The following RNF128 variants were observed in gnomAD, a reference collection of about 807,000 sequenced individuals.
RNF128 encodes the protein E3 ubiquitin-protein ligase RNF128.
A neutral mutation model predicts 26.2 loss-of-function variants in RNF128; 13 were observed. The ratio of observed to expected loss-of-function variants is 0.50; its 90% CI spans 0.32 to 0.79. RNF128 has a LOEUF of 0.79. Among genes scored for constraint, RNF128 ranks in the 30% least tolerant of loss-of-function variants. The probability of loss-of-function intolerance (pLI) is 0.03; values close to 1 mark genes in which losing one functional copy is unlikely to be tolerated. For synonymous variants in RNF128, 149 were observed against 142.5 expected, an observed-to-expected ratio of 1.05 and a Z score of -0.32; for missense variants, 315 against 349.7, an observed-to-expected ratio of 0.90 and a Z score of 0.79.
chrX:106,784,439 A>G (rs1225013754), intron 2 of RNF128, among the ~76,000 whole-genome samples: 2 of 112,032 alleles, frequency 1.8e-5, no homozygotes, highest in South Asian at 3.7e-4. Flanking sequence ...ATCTAGATAT[A>G]TGCTCAGTGA....
upstream of RNF128, among the ~76,000 whole-genome samples, chrX:106,724,646 T>C (rs962986775): frequency 8.9e-6 from 1 of 111,885 alleles, no homozygotes; most frequent in African/African-American, 3.3e-5. Flanking sequence ...TTCCTTGTGT[T>C]GTTTTCTGCC....
At chrX:106,698,351 T>C (rs1371508991) in intron 1 of RNF128, among the ~76,000 whole-genome samples, 1 of 110,593 alleles carries the variant, frequency 9.0e-6, no homozygotes, top group Non-Finnish European at 1.9e-5. Context: ...TAGAGTCAAG[T>C]GTGCGGCATT....
At chrX:106,741,463 T>C (rs1030484912) in intron 1 of RNF128, among the ~76,000 whole-genome samples, 3 of 112,067 alleles carry the variant, frequency 2.7e-5, no homozygotes, top group Non-Finnish European at 3.8e-5. Flanking sequence ...TCACCATTAA[T>C]GCAGCTCTGG....
Position 106,726,776 on chromosome X carries a change from G to T in RNF128, c.-138G>T. 1 of 1,068,043 alleles carries T rather than the reference G, an allele frequency of 9.4e-7. No homozygotes were observed. Among genetic ancestry groups the T allele is most frequent in the Non-Finnish European group, 1.2e-6 (1 of 832,314 alleles). 88.0% of individuals were successfully genotyped at this position (1,068,043 alleles called of 1,213,427 possible). A position where few individuals can be genotyped will look rare whatever the true frequency, so the allele number is the denominator to read the frequency against. ...GTGTGCTGACGCTACGTGCCTCCTG[G>T]CTCCGACGTAGCTCGCAGCTCCCCA... On this transcript the variant is annotated 5_prime_UTR_variant, in exon 1 of 7. Coordinates refer to ENST00000255499, the MANE Select transcript of RNF128 (RefSeq NM_194463.2).
chrX:106,788,874 GTATAA>G (rs1306906160), intron 4 of RNF128, among the ~76,000 whole-genome samples: 2 of 68,606 alleles, frequency 2.9e-5, no homozygotes, highest in Non-Finnish European at 5.1e-5. Flanking sequence ...ATTATATAAT[GTATAA>G]TATATTATAT....
At chrX:106,785,568 A>G (rs767705699) in intron 3 of RNF128, among the ~76,000 whole-genome samples, 1 of 111,839 alleles carries the variant, frequency 8.9e-6, no homozygotes, top group African/African-American at 3.2e-5. Flanking sequence ...AGCCTCTAGA[A>G]GCTGGGAAAG....
chrX:106,782,607 A>G (rs376569515), intron 2 of RNF128, among the ~76,000 whole-genome samples: 101 of 110,078 alleles, frequency 9.2e-4, no homozygotes, highest in African/African-American at 3.1e-3. Flanking sequence ...TACTTTTTCA[A>G]CCCTCCACTT....
intron 1 of RNF128, among the ~76,000 whole-genome samples, chrX:106,766,057 A>G (rs1366196969): frequency 9.0e-6 from 1 of 111,214 alleles, no homozygotes; most frequent in Non-Finnish European, 1.9e-5. Flanking sequence ...TCATCTTTTT[A>G]TGGCTGCATA....
rs752621755 is a variant in RNF128, at chrX:106,752,973, A to G, written c.485-19940A>G. On this transcript the variant is annotated intron_variant, in intron 1 of 6. Transcript: ENST00000255499. Reference sequence around the variant, plus strand: ...CAGAACTGATCAAGCAGAAGAAAAAAGTATTGAGCTTGAAGAGGGGCTGTT... The same window carrying G: ...CAGAACTGATCAAGCAGAAGAAAAAGGTATTGAGCTTGAAGAGGGGCTGTT... Among the ~76,000 whole-genome samples the G allele has an allele frequency of 5.4e-5, 6 of 111,563 alleles. No homozygotes were observed. In the South Asian group the frequency reaches 1.1e-3, roughly 21 times the overall value.
chrX:106,715,500 G>GCTAT (rs1297879724), intron 1 of RNF128, among the ~76,000 whole-genome samples: 1 of 111,264 alleles, frequency 9.0e-6, no homozygotes, highest in Non-Finnish European at 1.9e-5. Context: ...TTTTTAATTG[G>GCTAT]CTATCTGCTA....
At chrX:106,755,796 T>C (rs990648889) in intron 1 of RNF128, among the ~76,000 whole-genome samples, 1 of 110,873 alleles carries the variant, frequency 9.0e-6, no homozygotes, top group Non-Finnish European at 1.9e-5. Context: ...AGTCAAATTG[T>C]CCCTGTTTGC....
chrX:106,716,692 A>G (rs1165877502), intron 1 of RNF128, among the ~76,000 whole-genome samples: 1 of 111,125 alleles, frequency 9.0e-6, no homozygotes, highest in Non-Finnish European at 1.9e-5. Context: ...CTTGCACTTC[A>G]AGTGATGTGC....
At chrX:106,733,075 A>C (rs765219997) in intron 1 of RNF128, among the ~76,000 whole-genome samples, 1 of 111,651 alleles carries the variant, frequency 9.0e-6, no homozygotes, top group African/African-American at 3.2e-5. Context: ...TAAATGATAC[A>C]GTATAACAAC....
rs760217253 is a variant in RNF128 at position 106,727,068 on chromosome X, G to A, written c.155G>A (p.Arg52Gln). 5 of 1,203,469 alleles carry A rather than the reference G, an allele frequency of 4.2e-6. No homozygotes were observed. Among genetic ancestry groups the A allele is most frequent in the Admixed American group, 2.2e-5 (1 of 45,396 alleles). ...VWTAYLNVSW[R>Q]VPHTGVNRTV... is the part of the protein sequence containing the mutation. ...ACCGCGTACCTCAACGTGTCCTGGC[G>A]GGTTCCGCACACGGGAGTGAACCGT... Residue 52 changes from arginine (R) to glutamine (Q), a missense_variant, in exon 1 of 7, where the codon CGG (arginine) becomes CAG (glutamine). Physicochemically the swap from Arg to Gln is conservative, Grantham distance 43 (BLOSUM62 1). Transcript: ENST00000255499.
At chrX:106,694,825 G>A (rs1488106554) in intron 1 of RNF128, among the ~76,000 whole-genome samples, 2 of 111,529 alleles carry the variant, frequency 1.8e-5, no homozygotes, top group East Asian at 5.6e-4. Flanking sequence ...GTTTCATTAT[G>A]CTTAAATAAT....
intron 6 of RNF128, among the ~76,000 whole-genome samples, chrX:106,791,763 C>A (rs1317354540): frequency 2.7e-5 from 3 of 111,309 alleles, no homozygotes. Context: ...TTGAATATAT[C>A]ATTTTCAAAA....
chrX:106,760,907 A>G (rs1459418748), intron 1 of RNF128, among the ~76,000 whole-genome samples: 1 of 112,284 alleles, frequency 8.9e-6, no homozygotes, highest in African/African-American at 3.2e-5. Flanking sequence ...AAACAAAAAC[A>G]AAAGTTGGCA....
intron 2 of RNF128, among the ~76,000 whole-genome samples, chrX:106,779,236 T>C (rs1462476333): frequency 9.0e-6 from 1 of 111,353 alleles, no homozygotes; most frequent in Non-Finnish European, 1.9e-5. Context: ...TATTGAAGTA[T>C]GATTGACAAA....
intron 1 of RNF128, among the ~76,000 whole-genome samples, chrX:106,739,452 C>T (rs1929659997): frequency 8.9e-6 from 1 of 111,762 alleles, no homozygotes; most frequent in South Asian, 3.8e-4. Flanking sequence ...AGCAACCATG[C>T]CCGGCCCTCA....
Sources: allele counts gnomAD v4.1 joint callset (sites outside exome capture counted in the v4.1 genomes callset), GRCh38; gene constraint gnomAD v4.1.1; transcripts MANE v1.5; gene names NCBI Gene and HGNC (gene_info 2026-07-23, HGNC 2026-07-21).